Variants in RIN3 observed in about 807,000 individuals in gnomAD.
The protein encoded by RIN3 is RAB5 interacting protein 3.
A neutral mutation model predicts 76.3 loss-of-function variants in RIN3; 54 were observed. The ratio of observed to expected loss-of-function variants is 0.71; its 90% CI spans 0.57 to 0.89. The LOEUF (loss-of-function observed/expected upper bound fraction) is 0.89, where lower values mean the gene tolerates loss of function less well. RIN3 is among the 40% of genes least tolerant of loss of function. The probability of loss-of-function intolerance (pLI) is 0.00; values close to 1 mark genes in which losing one functional copy is unlikely to be tolerated. For missense variants in RIN3, 1,256 were observed against 1,322.1 expected (o/e 0.95, Z 0.78); for synonymous variants, 576 against 564.0 (o/e 1.02, Z -0.30).
intron 1 of RIN3, among the ~76,000 whole-genome samples, chr14:92,528,718 C>T (rs977571272): frequency 2.6e-5 from 4 of 152,160 alleles, no homozygotes; most frequent in African/African-American, 9.7e-5. Context: ...TGCACTGTGT[C>T]CCGGGTGGAG....
At position 92,652,108 on chromosome 14, in the gene RIN3, C is replaced by T; in HGVS notation, c.1059C>T (p.Pro353=). 6.2e-7 allele frequency: 1 copy of T among 1,607,468 alleles called. No homozygotes were observed. Among genetic ancestry groups the T allele is most frequent in the East Asian group, 2.2e-5 (1 of 44,860 alleles). ...CATGCCCCACTGCAGGCCTGGGCCC[C>T]CTCAGGGAGGAAGCGATGAAGCCAG... The part of the protein sequence containing the change: ...RLPCPTAGLG[P]LREEAMKPGA... Residue 353 remains proline (P), a synonymous_variant, in exon 6 of 10, where the codon CCC becomes CCT. Transcript: ENST00000216487. The surrounding 1 kb of genome is among the most constrained non-coding windows in gnomAD (Gnocchi z 6.4).
chr14:92,688,448 G>A lies in RIN3; in HGVS notation c.*196G>A. ...CACTTCCTGAGGGCAAGTCCTAATA[G>A]CCCTGAGACACCGAGACGGCATGTT... On this transcript the variant is annotated 3_prime_UTR_variant, in exon 10 of 10. Coordinates refer to ENST00000216487, the MANE Select transcript of RIN3 (RefSeq NM_024832.5). The A allele has an allele frequency of 1.7e-6, 1 of 587,214 alleles. No homozygotes were observed. Among genetic ancestry groups the A allele is most frequent in the Non-Finnish European group, 3.0e-6 (1 of 335,282 alleles). The allele number at this position is 587,214 out of a possible 1,614,324, so 36.4% of individuals were successfully genotyped here.
rs183886955 is a variant in RIN3 at position 92,619,143 on chromosome 14, G to A, written c.440+3664G>A. 1.0e-3 allele frequency among the ~76,000 whole-genome samples: 156 copies of A among 152,100 alleles called. 1 individual carries two copies. Among genetic ancestry groups the A allele is most frequent in the Admixed American group, 5.9e-3 (90 of 15,274 alleles). On this transcript the variant is annotated intron_variant, in intron 4 of 9. Transcript: ENST00000216487. ...ACAAAAATATAACCTAAGGAAGATC[G>A]AACATCATTTTGGCAATCTCATGTA...
chr14:92,546,602 G>A (rs1002833006), intron 1 of RIN3, among the ~76,000 whole-genome samples: 9 of 152,172 alleles, frequency 5.9e-5, no homozygotes, highest in Non-Finnish European at 5.9e-5. Flanking sequence ...ATGTAAACGC[G>A]GGTGTTCAGG....
At chr14:92,618,202 A>G (rs1204617216) in intron 4 of RIN3, among the ~76,000 whole-genome samples, 2 of 152,210 alleles carry the variant, frequency 1.3e-5, no homozygotes, top group Non-Finnish European at 2.9e-5. Context: ...AGTACACCCC[A>G]TAAGTGCACA....
At chr14:92,649,012 A>G (rs546018103) in intron 5 of RIN3, among the ~76,000 whole-genome samples, 5 of 152,270 alleles carry the variant, frequency 3.3e-5, no homozygotes, top group South Asian at 4.1e-4. Flanking sequence ...AGTGGAGTGA[A>G]GACTCGGTAG....
At chr14:92,672,798 G>A (rs1055082490) in intron 7 of RIN3, among the ~76,000 whole-genome samples, 3 of 151,838 alleles carry the variant, frequency 2.0e-5, no homozygotes, top group Admixed American at 6.6e-5. Flanking sequence ...AAAGAAACTC[G>A]GTACCCATTA....
At chr14:92,546,818 T>C (rs1245681958) in intron 1 of RIN3, among the ~76,000 whole-genome samples, 1 of 151,922 alleles carries the variant, frequency 6.6e-6, no homozygotes, top group African/African-American at 2.4e-5. Flanking sequence ...CCTGGTGGAC[T>C]AGGTTGGCCA....
At chr14:92,534,079 T>A (rs530466443) in intron 1 of RIN3, among the ~76,000 whole-genome samples, 1 of 152,086 alleles carries the variant, frequency 6.6e-6, no homozygotes, top group Admixed American at 6.5e-5. Flanking sequence ...TGGACTTCTT[T>A]TATATATATT....
In RIN3 at chr14:92,604,445, C is replaced by T. The variant is rs146283325; in HGVS notation, c.368-10962C>T. Among the ~76,000 whole-genome samples, 648 of 152,322 alleles carry T rather than the reference C, an allele frequency of 4.3e-3. 4 individuals carry two copies. The highest frequency in any genetic ancestry group is 0.014 in the Middle Eastern group (4 of 294). On this transcript the variant is annotated intron_variant, in intron 3 of 9. Coordinates refer to ENST00000216487, the MANE Select transcript of RIN3 (RefSeq NM_024832.5). ...GGAATAGGTTGGCTCAGTAGTGTTA[C>T]ATAAGGACCTGGGGTGAAAGCTACT... is the stretch of plus-strand genomic sequence containing the variant.
chr14:92,526,747 G>C (rs1274802597), intron 1 of RIN3, among the ~76,000 whole-genome samples: 1 of 152,180 alleles, frequency 6.6e-6, no homozygotes, highest in Admixed American at 6.5e-5. Context: ...GCAAGACTCT[G>C]TCTCATAAAT....
intron 5 of RIN3, chr14:92,644,713 C>T (rs1304412641): frequency 6.6e-6 from 1 of 152,272 alleles, no homozygotes; most frequent in Non-Finnish European, 1.5e-5. Context: ...CCCCTGGAGC[C>T]AAGGAAAGGT....
Position 92,685,172 on chromosome 14 carries a change from G to C in RIN3, c.2631+22G>C. ...ACAGGTGAGGCCTGAGAGCGGGAGG[G>C]GCCCGGTGGGGCCATGTCCCAGACA... On this transcript the variant is annotated intron_variant, in intron 9 of 9. Coordinates refer to ENST00000216487, the MANE Select transcript of RIN3 (RefSeq NM_024832.5). This position sits in a 1 kb window ranked among gnomAD's most constrained non-coding sequence, Gnocchi z 4.7. 2 of 1,569,022 alleles carry C rather than the reference G, an allele frequency of 1.3e-6. No individual in the cohort carries two copies. Among genetic ancestry groups the C allele is most frequent in the Non-Finnish European group, 1.7e-6 (2 of 1,152,420 alleles).
At chr14:92,649,076 C>G (rs1482232640) in intron 5 of RIN3, among the ~76,000 whole-genome samples, 1 of 152,022 alleles carries the variant, frequency 6.6e-6, no homozygotes, top group African/African-American at 2.4e-5. Context: ...GAATGCCAGG[C>G]TAAAGGGTTG....
chr14:92,525,932 G>C (rs1184405105), intron 1 of RIN3, among the ~76,000 whole-genome samples: 1 of 152,160 alleles, frequency 6.6e-6, no homozygotes, highest in Non-Finnish European at 1.5e-5. Context: ...TGCTCAGACT[G>C]GGGTGGCATC....
intron 8 of RIN3, among the ~76,000 whole-genome samples, chr14:92,677,562 C>A (rs1045879045): frequency 6.6e-6 from 1 of 152,090 alleles, no homozygotes; most frequent in South Asian, 2.1e-4. Context: ...AAAGCCATGA[C>A]GTTTGCTGTC....
intron 4 of RIN3, among the ~76,000 whole-genome samples, chr14:92,634,693 A>G (rs1886713394): frequency 6.6e-6 from 1 of 152,028 alleles, no homozygotes; most frequent in Non-Finnish European, 1.5e-5. Context: ...CCCAGTCTCT[A>G]CTAAAAATAC....
intron 6 of RIN3, among the ~76,000 whole-genome samples, chr14:92,653,528 T>C (rs1450045269): frequency 6.6e-6 from 1 of 152,124 alleles, no homozygotes; most frequent in African/African-American, 2.4e-5. Flanking sequence ...AGTGAAATCA[T>C]ATGCACCCAG....
Position 92,684,848 on chromosome 14 carries a change from T to C in RIN3, c.2468-139T>C, listed in dbSNP as rs532799439. On this transcript the variant is annotated intron_variant, in intron 8 of 9. Transcript: ENST00000216487. ...GTGGGCGTGGGGTTGAGCTCAGCTG[T>C]TGAAGCAGGTGTTTGCAGATGTGCC... 6 of 899,904 alleles carry C rather than the reference T, an allele frequency of 6.7e-6. No individual in the cohort carries two copies. In the South Asian group the frequency reaches 9.4e-5, roughly 14 times the overall value. The allele number at this position is 899,904 out of a possible 1,614,324, so 55.7% of individuals were successfully genotyped here. A position where few individuals can be genotyped will look rare whatever the true frequency, so the allele number is the denominator to read the frequency against.
Sources: allele counts gnomAD v4.1 joint callset (sites outside exome capture counted in the v4.1 genomes callset), GRCh38; gene constraint gnomAD v4.1.1; non-coding constraint Gnocchi (gnomAD v3.1); transcripts MANE v1.5; gene names NCBI Gene and HGNC (gene_info 2026-07-23, HGNC 2026-07-21).